FH: variants seen among roughly 807,000 people sequenced by gnomAD.
The protein encoded by FH is fumarate hydratase.
Under a neutral mutation model 49.4 loss-of-function variants are expected in FH, and 22 were observed. That is an observed-to-expected ratio of 0.45 (90% CI 0.32 to 0.64). FH has a LOEUF of 0.64. Ranked by LOEUF, FH falls within the 30% of genes least tolerant of loss-of-function variation. FH has a pLI of 0.05. For synonymous variants in FH, 208 were observed against 223.0 expected (o/e 0.93, Z 0.60); for missense variants, 526 against 641.5 (o/e 0.82, Z 1.95).
At chr1:241,517,403 G>A (rs2147925385) in intron 1 of FH, 87 bp from the exon 2 acceptor site, 2 of 1,437,812 alleles carry the variant, frequency 1.4e-6, no homozygotes, top group African/African-American at 1.4e-5. Context: ...TAAAGAGAAA[G>A]AAACCTGAAT....
chr1:241,501,922 G>T (rs1487040419), intron 8 of FH, among the ~76,000 whole-genome samples: 1 of 152,318 alleles, frequency 6.6e-6, no homozygotes, highest in South Asian at 2.1e-4. Flanking sequence ...AGTCTGACAG[G>T]GGGCAGAAGA....
chr1:241,518,078 C>G (rs1162292282), intron 1 of FH, among the ~76,000 whole-genome samples: 1 of 152,148 alleles, frequency 6.6e-6, no homozygotes, highest in African/African-American at 2.4e-5. Context: ...CAGTATCTTT[C>G]TATTGAATGA....
At chr1:241,506,497 G>T (rs1283692987) in intron 5 of FH, among the ~76,000 whole-genome samples, 1 of 152,178 alleles carries the variant, frequency 6.6e-6, no homozygotes, top group East Asian at 1.9e-4. Flanking sequence ...TGGTTTACTT[G>T]CAGTCTACTA....
rs187740439 is a variant in FH at position 241,512,652 on chromosome 1, G to A, written c.379-509C>T. Among the ~76,000 whole-genome samples, 110 of 152,262 alleles carry A rather than the reference G, an allele frequency of 7.2e-4. 1 individual carries two copies. The highest frequency in any genetic ancestry group is 2.6e-3 in the African/African-American group (107 of 41,546). On this transcript the variant is annotated intron_variant, in intron 3 of 9. Coordinates refer to ENST00000366560, the MANE Select transcript of FH (RefSeq NM_000143.4). Reference sequence around the variant, plus strand: ...GCTTATGTGTTAGTTTTTGGATGGTGTGCTTTGTAAAATATGGGTGGTTAA... The same window carrying A: ...GCTTATGTGTTAGTTTTTGGATGGTATGCTTTGTAAAATATGGGTGGTTAA...
In FH at chr1:241,497,710, C is replaced by A; in HGVS notation, c.*118G>T. 1 of 875,362 alleles carries A rather than the reference C, an allele frequency of 1.1e-6. No individual in the cohort carries two copies. Among genetic ancestry groups the A allele is most frequent in the Non-Finnish European group, 1.8e-6 (1 of 563,248 alleles). The allele number at this position is 875,362 out of a possible 1,614,324, so 54.2% of individuals were successfully genotyped here. On this transcript the variant is annotated 3_prime_UTR_variant, in exon 10 of 10. Coordinates refer to ENST00000366560, the MANE Select transcript of FH (RefSeq NM_000143.4). Reference sequence around the variant, plus strand: ...GGTTTTATATACTGATCAAATTGCTCTGCTAGAGATGCTTAAGTTCAATAG... The same window carrying A: ...GGTTTTATATACTGATCAAATTGCTATGCTAGAGATGCTTAAGTTCAATAG...
chr1:241,509,240 CT>C, intron 4 of FH, among the ~76,000 whole-genome samples: 1 of 151,870 alleles, frequency 6.6e-6, no homozygotes, highest in East Asian at 1.9e-4. Flanking sequence ...ATTATATATT[CT>C]TATAAAATCT....
intron 1 of FH, 61 bp from the exon 2 acceptor site, chr1:241,517,377 G>T (rs764991848): frequency 6.4e-7 from 1 of 1,574,156 alleles, no homozygotes; most frequent in Non-Finnish European, 8.7e-7. Flanking sequence ...AAAAGTAATC[G>T]CATCTTATCA....
intron 2 of FH, among the ~76,000 whole-genome samples, chr1:241,516,163 A>G (rs548466069): frequency 2.6e-5 from 4 of 152,310 alleles, no homozygotes; most frequent in African/African-American, 9.6e-5. Context: ...CCTAGTAAAA[A>G]TCTGTAAATA....
intron 4 of FH, 38 bp downstream of exon 4, chr1:241,511,929 A>G (rs1207109633): frequency 6.2e-7 from 1 of 1,605,286 alleles, no homozygotes; most frequent in Non-Finnish European, 8.5e-7. Flanking sequence ...TATGCTTTTC[A>G]ATTTATAACC....
chr1:241,505,230 GTTTC>G (rs891697350), intron 6 of FH, among the ~76,000 whole-genome samples: 1 of 151,952 alleles, frequency 6.6e-6, no homozygotes, highest in Non-Finnish European at 1.5e-5. Flanking sequence ...ATTTTTTAAA[GTTTC>G]TTTGTCCACT....
At chr1:241,515,921 T>C (rs970639649) in intron 2 of FH, among the ~76,000 whole-genome samples, 2 of 152,196 alleles carry the variant, frequency 1.3e-5, no homozygotes, top group African/African-American at 4.8e-5. Context: ...TTGAATGTGG[T>C]AGAAAGTTTT....
Position 241,507,082 on chromosome 1 carries a change from C to G in FH, c.739-914G>C, listed in dbSNP as rs1022470324. ...ATATAACATCACTCATATACAGTCA[C>G]GCACCACATAATGATGTTTCAGCCA... On this transcript the variant is annotated intron_variant, in intron 5 of 9. Transcript: ENST00000366560. Among the ~76,000 whole-genome samples the G allele has an allele frequency of 2.0e-5, 3 of 152,126 alleles. No homozygotes were observed. The South Asian group carries it at 6.2e-4, about 31-fold the overall frequency.
rs181525993 is a variant in FH, at chr1:241,508,951, A to T, written c.556-166T>A. Among the ~76,000 whole-genome samples the T allele has an allele frequency of 1.1e-3, 160 of 152,190 alleles. 1 individual carries two copies. The highest frequency in any genetic ancestry group is 1.6e-3 in the Non-Finnish European group (109 of 67,972). On this transcript the variant is annotated intron_variant, in intron 4 of 9. Coordinates refer to ENST00000366560, the MANE Select transcript of FH (RefSeq NM_000143.4). ...CATAGGTGAGTTATTATAGAATCAA[A>T]TAAGCAGCATCCTGGTTTCTAACAC...
In FH at chr1:241,519,725, T is replaced by A; in HGVS notation, c.-3A>T. 1 of 1,534,256 alleles carries A rather than the reference T, an allele frequency of 6.5e-7. No individual in the cohort carries two copies. Among genetic ancestry groups the A allele is most frequent in the Non-Finnish European group, 8.8e-7 (1 of 1,137,078 alleles). On this transcript the variant is annotated 5_prime_UTR_variant, in exon 1 of 10. Transcript: ENST00000366560. ...AGGAGCCGAAGTGCTCGGTACATGG[T>A]GCTGAGGGAGCTTGGGTAGAATTTC...
chr1:241,502,885 G>A (rs1659818458), intron 7 of FH, among the ~76,000 whole-genome samples: 1 of 152,186 alleles, frequency 6.6e-6, no homozygotes. Flanking sequence ...TGCAGGCCCT[G>A]CCCTCGCAGA....
intron 8 of FH, 87 bp downstream of exon 8, chr1:241,502,356 T>A: frequency 6.7e-7 from 1 of 1,497,166 alleles, no homozygotes; most frequent in Admixed American, 1.7e-5. Flanking sequence ...CTACCCAATG[T>A]GGAATCACTA....
At chr1:241,513,087 C>T (rs1188550403) in intron 3 of FH, among the ~76,000 whole-genome samples, 3 of 152,020 alleles carry the variant, frequency 2.0e-5, no homozygotes, top group Non-Finnish European at 2.9e-5. Context: ...CTATAATTTA[C>T]CATATAAATA....
chr1:241,498,627 A>C (rs1481071467), intron 9 of FH, among the ~76,000 whole-genome samples: 2 of 145,696 alleles, frequency 1.4e-5, no homozygotes, highest in Non-Finnish European at 3.0e-5. Context: ...CATACTGTTT[A>C]CTTCAGAGTT....
Position 241,503,944 on chromosome 1 carries a change from G to T in FH, c.1108+98C>A, listed in dbSNP as rs4659607. On this transcript the variant is annotated intron_variant, in intron 7 of 9. Transcript: ENST00000366560. ...AACAGTGCGCCTTGCGCATCCAGCT[G>T]CGGGATAACTTTAAACAAAGAGAGA... The T allele has an allele frequency of 0.73, 933,947 of 1,285,372 alleles. 341,004 individuals carry two copies. The highest frequency in any genetic ancestry group is 0.85 in the South Asian group (67,065 of 78,712). The allele number at this position is 1,285,372 out of a possible 1,614,324, so 79.6% of individuals were successfully genotyped here.
Sources: gnomAD v4.1 joint callset for allele counts (sites outside exome capture counted in the v4.1 genomes callset) on GRCh38, gnomAD v4.1.1 for gene constraint, MANE v1.5 for transcripts, NCBI Gene and HGNC (gene_info 2026-07-23, HGNC 2026-07-21) for gene names.